The following PAPPA variants were observed in gnomAD, a reference collection of about 807,000 sequenced individuals.
PAPPA encodes the protein pappalysin-1.
In PAPPA, 60 loss-of-function variants were observed where a neutral mutation model predicts 164.0. That is an observed-to-expected ratio of 0.37 (90% CI 0.30 to 0.45). The LOEUF (loss-of-function observed/expected upper bound fraction) is 0.45. Ranked by LOEUF, PAPPA falls within the 20% of genes least tolerant of loss-of-function variation. The pLI is 1.00. For missense variants in PAPPA, 1,782 were observed against 2,087.3 expected, an observed-to-expected ratio of 0.85 and a Z score of 2.85; for synonymous variants, 875 against 814.1, an observed-to-expected ratio of 1.07 and a Z score of -1.27.
At chr9:116,180,048 A>G (rs1843884829) in intron 1 of PAPPA, among the ~76,000 whole-genome samples, 1 of 151,992 alleles carries the variant, frequency 6.6e-6, no homozygotes, top group Admixed American at 6.6e-5. Context: ...AGGGTCTGAA[A>G]CTGCCTTTTA....
intron 10 of PAPPA, 110 bp from the exon 11 acceptor site, chr9:116,331,134 C>T: frequency 1.5e-6 from 1 of 660,228 alleles, no homozygotes; most frequent in Non-Finnish European, 2.6e-6. Context: ...CTGTTTTTTC[C>T]TGTGGTGCCA....
intron 10 of PAPPA, among the ~76,000 whole-genome samples, chr9:116,321,593 G>A (rs111233470): frequency 6.6e-6 from 1 of 152,162 alleles, no homozygotes; most frequent in African/African-American, 2.4e-5. Context: ...TAGCACTGAT[G>A]TCACGTGGGA....
chr9:116,317,937 A>T (rs1331191445), intron 10 of PAPPA, among the ~76,000 whole-genome samples: 7 of 152,216 alleles, frequency 4.6e-5, no homozygotes, highest in Non-Finnish European at 8.8e-5. Flanking sequence ...TGCAAAAATA[A>T]AGTTTAAACT....
In PAPPA at chr9:116,401,808, C is replaced by T. The variant is rs1847060620; in HGVS notation, c.*5192C>T. On this transcript the variant is annotated 3_prime_UTR_variant, in exon 22 of 22. Transcript: ENST00000328252. ...AAAAAAATGACACTCCATTGAAGTG[C>T]TTAAAAGCTGTTCTCATAAGAATTC... 6.7e-6 allele frequency: 1 copy of T among 148,680 alleles called. No homozygotes were observed. The highest frequency in any genetic ancestry group is 1.5e-5 in the Non-Finnish European group (1 of 67,314). The allele number at this position is 148,680 out of a possible 1,614,324, so 9.2% of individuals were successfully genotyped here.
rs909489455 is a variant in PAPPA at position 116,271,171 on chromosome 9, C to A, written c.2862-154C>A. On this transcript the variant is annotated intron_variant, in intron 8 of 21. Transcript: ENST00000328252. This position sits in a 1 kb window ranked among gnomAD's most constrained non-coding sequence, Gnocchi z 4.2. The stretch of plus-strand genomic sequence containing the variant: ...TTATAAATCCATACCTTTTAGAAAT[C>A]TCATTTTGAAGATGAAGAAGCAGAG... Among the ~76,000 whole-genome samples the A allele has an allele frequency of 4.6e-5, 7 of 152,152 alleles. No homozygotes were observed. Among genetic ancestry groups the A allele is most frequent in the African/African-American group, 1.7e-4 (7 of 41,442 alleles).
At chr9:116,172,542 C>T (rs897033130) in intron 1 of PAPPA, among the ~76,000 whole-genome samples, 1 of 152,222 alleles carries the variant, frequency 6.6e-6, no homozygotes, top group Non-Finnish European at 1.5e-5. Flanking sequence ...GCAAAATCTA[C>T]TGACTGAGAA....
In PAPPA at chr9:116,399,125, T is replaced by G. The variant is rs1847010268; in HGVS notation, c.*2509T>G. On this transcript the variant is annotated 3_prime_UTR_variant, in exon 22 of 22. Coordinates refer to ENST00000328252, the MANE Select transcript of PAPPA (RefSeq NM_002581.5). Reference sequence around the variant, plus strand: ...TTACCAGCTTCCCTCAAATCAGTCCTTATCCTCTTTCTATCTTCACTCCCA... The same window carrying G: ...TTACCAGCTTCCCTCAAATCAGTCCGTATCCTCTTTCTATCTTCACTCCCA... 1 of 160,606 alleles carries G rather than the reference T, an allele frequency of 6.2e-6. No individual in the cohort carries two copies. The highest frequency in any genetic ancestry group is 6.2e-5 in the Admixed American group (1 of 16,098). The allele number at this position is 160,606 out of a possible 1,614,324, so 9.9% of individuals were successfully genotyped here.
At chr9:116,325,157 G>A (rs959866143) in intron 10 of PAPPA, among the ~76,000 whole-genome samples, 2 of 152,128 alleles carry the variant, frequency 1.3e-5, no homozygotes, top group African/African-American at 4.8e-5. Context: ...AATTAAGTAC[G>A]CAGAACATGG....
At chr9:116,322,574 C>T (rs1198039986) in intron 10 of PAPPA, among the ~76,000 whole-genome samples, 1 of 152,190 alleles carries the variant, frequency 6.6e-6, no homozygotes, top group African/African-American at 2.4e-5. Context: ...AGGCCCTTTA[C>T]AGCTGTAGTC....
Position 116,265,945 on chromosome 9 carries a change from A to T in PAPPA, c.2821A>T (p.Ile941Phe). ...TGAGCCATCACCTGCTGTCACATACATCCATGGAAGTGGGTACTGTGGCGA... is the reference window on the plus strand; with the variant it reads ...TGAGCCATCACCTGCTGTCACATACTTCCATGGAAGTGGGTACTGTGGCGA... Reference protein sequence around the residue: ...ESEPSPAVTYIHGSGYCGDGI... With the variant: ...ESEPSPAVTYFHGSGYCGDGI... The change falls in exon 8 of 22, where the codon ATC (isoleucine) becomes TTC (phenylalanine). Residue 941 changes from isoleucine to phenylalanine, a missense_variant. Ile to Phe is a conservative substitution (Grantham distance 21, BLOSUM62 0). This residue lies in a region of PAPPA where 1,324 missense variants were observed against 1,656.9 expected (regional missense o/e 0.80). Coordinates refer to ENST00000328252, the MANE Select transcript of PAPPA (RefSeq NM_002581.5). 1 of 1,613,066 alleles carries T rather than the reference A, an allele frequency of 6.2e-7. No individual in the cohort carries two copies. Among genetic ancestry groups the T allele is most frequent in the Non-Finnish European group, 8.5e-7 (1 of 1,179,064 alleles).
chr9:116,154,357 C>T lies in PAPPA; in HGVS notation c.185C>T (p.Pro62Leu). 2 of 872,536 alleles carry T rather than the reference C, an allele frequency of 2.3e-6. No individual in the cohort carries two copies. The highest frequency in any genetic ancestry group is 2.8e-6 in the Non-Finnish European group (2 of 716,690). 54.0% of individuals were successfully genotyped at this position (872,536 alleles called of 1,614,324 possible). A position where few individuals can be genotyped will look rare whatever the true frequency, so the allele number is the denominator to read the frequency against. ...GGCCGCCGCGCCTCGCCGCCGCCGCCGCCGCCGCCGGGCGGTGCCTGGGAA... is the reference window on the plus strand; with the variant it reads ...GGCCGCCGCGCCTCGCCGCCGCCGCTGCCGCCGCCGGGCGGTGCCTGGGAA... ...ARGRRASPPP[P>L]PPPGGAWEAV... The change falls in exon 1 of 22, where the codon CCG becomes CTG. Residue 62 changes from proline to leucine, a missense_variant. Physicochemically the swap from Pro to Leu is moderately conservative, Grantham distance 98. Transcript: ENST00000328252. The surrounding 1 kb of genome is among the most constrained non-coding windows in gnomAD (Gnocchi z 5.2).
At chr9:116,169,512 G>A (rs1256001498) in intron 1 of PAPPA, among the ~76,000 whole-genome samples, 1 of 151,168 alleles carries the variant, frequency 6.6e-6, no homozygotes, top group Non-Finnish European at 1.5e-5. Flanking sequence ...TAGAGACAGG[G>A]CTTCATCATG....
chr9:116,205,082 T>TCC (rs1554737708), intron 2 of PAPPA, among the ~76,000 whole-genome samples: 2 of 149,976 alleles, frequency 1.3e-5, no homozygotes, highest in East Asian at 3.9e-4. Context: ...TTTTTTTTTT[T>TCC]CCCCCCTTTG....
chr9:116,286,163 A>G (rs1019117760), intron 9 of PAPPA: 2 of 152,192 alleles, frequency 1.3e-5, no homozygotes, highest in African/African-American at 4.8e-5. Flanking sequence ...GACGGGCTCA[A>G]ATGCTGCCTT....
intron 12 of PAPPA, 56 bp from the exon 13 acceptor site, chr9:116,334,804 CG>C: frequency 1.5e-6 from 2 of 1,332,152 alleles, no homozygotes; most frequent in East Asian, 4.7e-5. Context: ...TTGGGGAGGG[CG>C]TGACTGGCCT....
At chr9:116,363,972 C>T (rs1045004176) in intron 18 of PAPPA, among the ~76,000 whole-genome samples, 2 of 152,186 alleles carry the variant, frequency 1.3e-5, no homozygotes, top group Non-Finnish European at 2.9e-5. Flanking sequence ...ATTGCTCTCG[C>T]TGATGGTTTG....
At chr9:116,319,273 T>A (rs1317554916) in intron 10 of PAPPA, among the ~76,000 whole-genome samples, 1 of 152,162 alleles carries the variant, frequency 6.6e-6, no homozygotes, top group East Asian at 1.9e-4. Context: ...CATCCGACAC[T>A]AATCACTCTC....
At chr9:116,227,685 G>A (rs1844531658) in intron 6 of PAPPA, 133 bp downstream of exon 6, 2 of 954,690 alleles carry the variant, frequency 2.1e-6, no homozygotes, top group East Asian at 2.7e-5. Flanking sequence ...CATCCTGCAA[G>A]GTTAGTAGTC....
chr9:116,396,387 GCC>G (rs1564255748), intron 21 of PAPPA, 120 bp from the exon 22 acceptor site: 1 of 720,048 alleles, frequency 1.4e-6, no homozygotes, highest in Non-Finnish European at 2.5e-6. Context: ...AAGAAGCAGA[GCC>G]ATAACTTGAA....
Sources: gnomAD v4.1 joint callset for allele counts (sites outside exome capture counted in the v4.1 genomes callset) on GRCh38, gnomAD v4.1.1 for gene constraint, gnomAD v4.1.1 regional missense constraint, Gnocchi (gnomAD v3.1) non-coding constraint, MANE v1.5 for transcripts, NCBI Gene and HGNC (gene_info 2026-07-23, HGNC 2026-07-21) for gene names.